The following DTWD2 variants were observed in gnomAD, a reference collection of about 807,000 sequenced individuals.
DTWD2 encodes the protein DTW motif tRNA-uridine aminocarboxypropyltransferase 2, also known as tRNA-uridine aminocarboxypropyltransferase 2.
Under a neutral mutation model 31.8 loss-of-function variants are expected in DTWD2, and 39 were observed. The observed-to-expected ratio is 1.22, with a 90% CI of 0.95 to 1.60. The LOEUF (loss-of-function observed/expected upper bound fraction) is 1.60, where lower values mean the gene tolerates loss of function less well. Ranked by LOEUF, DTWD2 falls within the 40% of genes most tolerant of loss-of-function variation. DTWD2 has a pLI of 0.00. For missense variants in DTWD2, 515 were observed against 381.5 expected (o/e 1.35, Z -2.92); for synonymous variants, 180 against 142.8 (o/e 1.26, Z -1.86).
intron 1 of DTWD2, among the ~76,000 whole-genome samples, chr5:118,987,420 T>G (rs1755452608): frequency 6.6e-6 from 1 of 152,218 alleles, no homozygotes; most frequent in South Asian, 2.1e-4. Flanking sequence ...ATTCAAGCAG[T>G]AAAGATCTTC....
intron 4 of DTWD2, among the ~76,000 whole-genome samples, chr5:118,856,102 C>T (rs1024209389): frequency 3.9e-5 from 6 of 152,098 alleles, no homozygotes; most frequent in South Asian, 4.1e-4. Flanking sequence ...AGTTCACTTA[C>T]GGATGTCCAT....
intron 1 of DTWD2, among the ~76,000 whole-genome samples, chr5:118,978,021 C>A (rs915449250): frequency 1.3e-5 from 2 of 151,928 alleles, no homozygotes; most frequent in East Asian, 3.9e-4. Flanking sequence ...ACCAATGGAA[C>A]AGAATAGAGA....
chr5:118,874,335 T>C (rs541518687), intron 4 of DTWD2, among the ~76,000 whole-genome samples: 2 of 152,258 alleles, frequency 1.3e-5, no homozygotes, highest in Non-Finnish European at 2.9e-5. Context: ...TTTCCAACAA[T>C]GGTTTGGAAC....
intron 4 of DTWD2, among the ~76,000 whole-genome samples, chr5:118,903,221 CAAGAT>C (rs1753256017): frequency 6.7e-6 from 1 of 149,654 alleles, no homozygotes; most frequent in African/African-American, 2.5e-5. Flanking sequence ...CTCTGGGAAA[CAAGAT>C]AAACATTGAA....
chr5:118,980,258 G>A (rs910605908), intron 1 of DTWD2, among the ~76,000 whole-genome samples: 2 of 152,164 alleles, frequency 1.3e-5, no homozygotes, highest in African/African-American at 4.8e-5. Context: ...TAAGTTCAAG[G>A]TCCTTCAGCC....
chr5:118,947,509 C>T (rs1237620077), intron 1 of DTWD2, among the ~76,000 whole-genome samples: 1 of 152,172 alleles, frequency 6.6e-6, no homozygotes, highest in Non-Finnish European at 1.5e-5. Context: ...TTTTCCCCAA[C>T]GTCAAACTGC....
At chr5:118,944,860 T>C (rs1309657777) in intron 1 of DTWD2, among the ~76,000 whole-genome samples, 1 of 152,194 alleles carries the variant, frequency 6.6e-6, no homozygotes, top group Non-Finnish European at 1.5e-5. Flanking sequence ...ACCACTTATA[T>C]AGATTAAGTA....
intron 4 of DTWD2, among the ~76,000 whole-genome samples, chr5:118,893,360 C>CAAAAA (rs751616981): frequency 1.9e-5 from 1 of 52,562 alleles, no homozygotes; most frequent in Non-Finnish European, 4.4e-5. Flanking sequence ...GACACAGTCT[C>CAAAAA]AAAAAAAAAA....
chr5:118,868,471 G>A (rs952509477), intron 4 of DTWD2, among the ~76,000 whole-genome samples: 6 of 152,004 alleles, frequency 3.9e-5, no homozygotes, highest in African/African-American at 1.4e-4. Context: ...AAGTGAAAAG[G>A]CAACTCACAG....
chr5:118,932,991 C>A (rs925403539), intron 3 of DTWD2, among the ~76,000 whole-genome samples: 2 of 151,558 alleles, frequency 1.3e-5, no homozygotes, highest in Non-Finnish European at 2.9e-5. Context: ...AAAGGGTGAT[C>A]ATTACTGATT....
intron 4 of DTWD2, among the ~76,000 whole-genome samples, chr5:118,894,891 A>T (rs1753048421): frequency 6.6e-6 from 1 of 152,152 alleles, no homozygotes; most frequent in African/African-American, 2.4e-5. Context: ...TCACAAAACC[A>T]CAGCTATTAT....
chr5:118,840,063 C>A lies in DTWD2; in HGVS notation c.*854G>T, dbSNP rs1312748006. 1.3e-5 allele frequency: 2 copies of A among 152,134 alleles called. No individual in the cohort carries two copies. Among genetic ancestry groups the A allele is most frequent in the Non-Finnish European group, 2.9e-5 (2 of 68,000 alleles). The allele number at this position is 152,134 out of a possible 1,614,324, so 9.4% of individuals were successfully genotyped here. ...ACATGTCTCTTATTCTATACAAAATCTCAGCAAATATTTTCCCACAGAGCA... is the reference window on the plus strand; with the variant it reads ...ACATGTCTCTTATTCTATACAAAATATCAGCAAATATTTTCCCACAGAGCA... On this transcript the variant is annotated 3_prime_UTR_variant, in exon 6 of 6. Transcript: ENST00000510708.
At chr5:118,985,059 C>T (rs1755393519) in intron 1 of DTWD2, among the ~76,000 whole-genome samples, 1 of 152,098 alleles carries the variant, frequency 6.6e-6, no homozygotes, top group Non-Finnish European at 1.5e-5. Flanking sequence ...TAGGCCCAAA[C>T]TCCCTGACAT....
At chr5:118,929,944 C>T (rs1011843223) in intron 3 of DTWD2, among the ~76,000 whole-genome samples, 7 of 152,158 alleles carry the variant, frequency 4.6e-5, no homozygotes, top group African/African-American at 1.7e-4. Context: ...CCACTTTTGC[C>T]AGCCAGGCCT....
chr5:118,864,677 T>C (rs1561432056), intron 4 of DTWD2, among the ~76,000 whole-genome samples: 1 of 151,096 alleles, frequency 6.6e-6, no homozygotes, highest in Non-Finnish European at 1.5e-5. Context: ...TATTATACCT[T>C]AAGTGTTAGG....
chr5:118,952,375 A>G lies in DTWD2; in HGVS notation c.219-7726T>C, dbSNP rs147658829. 7.3e-3 allele frequency among the ~76,000 whole-genome samples: 1,111 copies of G among 152,314 alleles called. 23 individuals carry two copies. Among genetic ancestry groups the G allele is most frequent in the African/African-American group, 0.025 (1,059 of 41,570 alleles). ...CCTGGGTGCAGGCAGGCTGAGTCCA[A>G]AAAGAGTCAGCAAAGGGACATAGGG... is the stretch of plus-strand genomic sequence containing the variant. On this transcript the variant is annotated intron_variant, in intron 1 of 5. Transcript: ENST00000510708.
chr5:118,891,756 T>C (rs1051071964), intron 4 of DTWD2, among the ~76,000 whole-genome samples: 4 of 152,198 alleles, frequency 2.6e-5, no homozygotes, highest in African/African-American at 9.6e-5. Context: ...ATTTAATAAA[T>C]AAATGAAATG....
At chr5:118,965,742 G>A (rs1754830956) in intron 1 of DTWD2, among the ~76,000 whole-genome samples, 1 of 152,030 alleles carries the variant, frequency 6.6e-6, no homozygotes, top group African/African-American at 2.4e-5. Context: ...AAGGCAGCAT[G>A]CTCGTTAAGA....
chr5:118,844,289 T>G (rs1042590248), intron 5 of DTWD2, among the ~76,000 whole-genome samples: 1 of 152,212 alleles, frequency 6.6e-6, no homozygotes, highest in South Asian at 2.1e-4. Flanking sequence ...GCAGGAGGTT[T>G]TGCCACATCT....
Sources: gnomAD v4.1 joint callset for allele counts (sites outside exome capture counted in the v4.1 genomes callset) on GRCh38, gnomAD v4.1.1 for gene constraint, MANE v1.5 for transcripts, NCBI Gene and HGNC (gene_info 2026-07-23, HGNC 2026-07-21) for gene names.